Variants in NEGR1 observed in about 807,000 individuals in gnomAD.
NEGR1 encodes the protein neuronal growth regulator 1.
In NEGR1, 10 loss-of-function variants were observed where a neutral mutation model predicts 40.9. The observed-to-expected ratio is 0.24, with a 90% confidence interval of 0.15 to 0.42. The LOEUF (loss-of-function observed/expected upper bound fraction) is 0.42, where lower values mean the gene tolerates loss of function less well. NEGR1 is among the 10% of genes least tolerant of loss of function. The probability of loss-of-function intolerance (pLI) is 1.00; values close to 1 mark genes in which losing one functional copy is unlikely to be tolerated. For synonymous variants in NEGR1, 185 were observed against 166.8 expected (o/e 1.11, Z -0.84); for missense variants, 352 against 438.9 (o/e 0.80, Z 1.77).
chr1:71,943,296 A>T (rs1342966031), intron 1 of NEGR1, among the ~76,000 whole-genome samples: 1 of 150,544 alleles, frequency 6.6e-6, no homozygotes, highest in African/African-American at 2.4e-5. Flanking sequence ...TATCATACAC[A>T]TATTTACACA....
chr1:71,587,857 G>T (rs1218141587), intron 6 of NEGR1, among the ~76,000 whole-genome samples: 1 of 152,088 alleles, frequency 6.6e-6, no homozygotes, highest in Non-Finnish European at 1.5e-5. Flanking sequence ...TCAATAGTGA[G>T]ACTCAATTTG....
chr1:71,617,144 T>C (rs961862077), intron 4 of NEGR1, among the ~76,000 whole-genome samples: 1 of 152,230 alleles, frequency 6.6e-6, no homozygotes, highest in Non-Finnish European at 1.5e-5. Flanking sequence ...AAAAGCATGA[T>C]TCTCGTGACT....
chr1:71,579,842 T>G (rs1447070125), intron 6 of NEGR1, among the ~76,000 whole-genome samples: 2 of 152,160 alleles, frequency 1.3e-5, no homozygotes, highest in African/African-American at 4.8e-5. Context: ...ATTAAGACAT[T>G]GCAAAATAAG....
At chr1:72,086,583 G>A (rs1648229477) in intron 1 of NEGR1, among the ~76,000 whole-genome samples, 1 of 152,174 alleles carries the variant, frequency 6.6e-6, no homozygotes, top group South Asian at 2.1e-4. Flanking sequence ...TAGGCTTACT[G>A]CTATCAGCAC....
At chr1:71,519,842 C>A (rs535553420) in intron 6 of NEGR1, among the ~76,000 whole-genome samples, 2 of 151,492 alleles carry the variant, frequency 1.3e-5, no homozygotes, top group African/African-American at 4.8e-5. Flanking sequence ...TACTTCCAAA[C>A]TGAGATGTGT....
At chr1:71,503,337 C>T (rs1647011130) in intron 6 of NEGR1, among the ~76,000 whole-genome samples, 1 of 152,002 alleles carries the variant, frequency 6.6e-6, no homozygotes, top group Non-Finnish European at 1.5e-5. Flanking sequence ...TGTTACCTAT[C>T]AAAGAAGAAG....
At chr1:72,082,261 T>A (rs978027924) in intron 1 of NEGR1, among the ~76,000 whole-genome samples, 1 of 152,156 alleles carries the variant, frequency 6.6e-6, no homozygotes, top group African/African-American at 2.4e-5. Context: ...AGTCTTTCCC[T>A]TGGAAATTGA....
rs1233230712 is a variant in NEGR1, at chr1:71,400,447, A to C, written c.*6999T>G. 1 of 152,144 alleles carries C rather than the reference A, an allele frequency of 6.6e-6. No individual in the cohort carries two copies. The highest frequency in any genetic ancestry group is 1.5e-5 in the Non-Finnish European group (1 of 68,018). 9.4% of individuals were successfully genotyped at this position (152,144 alleles called of 1,614,324 possible). A position where few individuals can be genotyped will look rare whatever the true frequency, so the allele number is the denominator to read the frequency against. ...GAATTAAATGCCCCTGTGACAAAAA[A>C]AAAAAGACTTTTTCTGTTAATTCTT... On this transcript the variant is annotated 3_prime_UTR_variant, in exon 7 of 7. Transcript: ENST00000357731.
intron 1 of NEGR1, among the ~76,000 whole-genome samples, chr1:72,230,083 GAA>G (rs1654316322): frequency 6.6e-6 from 1 of 152,042 alleles, no homozygotes; most frequent in African/African-American, 2.4e-5. Flanking sequence ...TCTACTGCTG[GAA>G]ATATCACATG....
intron 1 of NEGR1, among the ~76,000 whole-genome samples, chr1:71,971,861 C>T (rs17092005): frequency 0.023 from 3,486 of 152,290 alleles, 53 homozygotes; most frequent in Middle Eastern, 0.068. Context: ...TATTTGCTAA[C>T]GTTATCTGCT....
chr1:72,054,021 C>G (rs564549873), intron 1 of NEGR1, among the ~76,000 whole-genome samples: 4 of 151,102 alleles, frequency 2.6e-5, no homozygotes, highest in African/African-American at 7.3e-5. Flanking sequence ...TAAGGTGAGA[C>G]GATAGGATCT....
At chr1:71,812,455 T>A (rs1658036811) in intron 2 of NEGR1, among the ~76,000 whole-genome samples, 1 of 152,136 alleles carries the variant, frequency 6.6e-6, no homozygotes, top group Non-Finnish European at 1.5e-5. Flanking sequence ...TGGTTCTAGG[T>A]CTTTGAGAAA....
chr1:71,613,681 G>C (rs929814780), intron 4 of NEGR1, among the ~76,000 whole-genome samples: 1 of 151,562 alleles, frequency 6.6e-6, no homozygotes, highest in Non-Finnish European at 1.5e-5. Context: ...GAATTTTGGA[G>C]GGAAACATTA....
intron 1 of NEGR1, among the ~76,000 whole-genome samples, chr1:72,064,891 T>G (rs1647236523): frequency 1.3e-5 from 2 of 152,086 alleles, no homozygotes; most frequent in South Asian, 4.1e-4. Flanking sequence ...ACACAGTGTA[T>G]GTGACTTGGC....
intron 1 of NEGR1, among the ~76,000 whole-genome samples, chr1:72,147,606 A>T (rs1650958345): frequency 6.6e-6 from 1 of 152,046 alleles, no homozygotes; most frequent in Non-Finnish European, 1.5e-5. Context: ...ACATTCCCCT[A>T]AAGTCTTAGT....
intron 1 of NEGR1, among the ~76,000 whole-genome samples, chr1:71,994,750 T>C (rs1646488522): frequency 6.6e-6 from 1 of 152,108 alleles, no homozygotes; most frequent in South Asian, 2.1e-4. Context: ...AAACTTAGAC[T>C]GAGTATTTAT....
intron 2 of NEGR1, among the ~76,000 whole-genome samples, chr1:71,866,179 T>G (rs1660107371): frequency 6.6e-6 from 1 of 152,066 alleles, no homozygotes; most frequent in African/African-American, 2.4e-5. Context: ...ATAGAACTCT[T>G]TCTTGGGTTA....
chr1:71,915,877 A>T (rs538522721), intron 2 of NEGR1, among the ~76,000 whole-genome samples: 1 of 152,380 alleles, frequency 6.6e-6, no homozygotes, highest in African/African-American at 2.4e-5. Flanking sequence ...AGCGAGAAAC[A>T]CAGATACTTT....
chr1:72,072,979 T>C (rs532899898), intron 1 of NEGR1, among the ~76,000 whole-genome samples: 2 of 152,298 alleles, frequency 1.3e-5, no homozygotes, highest in East Asian at 3.9e-4. Flanking sequence ...GTCCAATCTG[T>C]TCCCTTAGAC....
Sources: allele counts gnomAD v4.1 joint callset (sites outside exome capture counted in the v4.1 genomes callset), GRCh38; gene constraint gnomAD v4.1.1; transcripts MANE v1.5; gene names NCBI Gene and HGNC (gene_info 2026-07-23, HGNC 2026-07-21).